TRDN: variants seen among roughly 807,000 people sequenced by gnomAD.
TRDN encodes the protein triadin in skeletal muscle.
A neutral mutation model predicts 149.7 loss-of-function variants in TRDN; 161 were observed. The ratio of observed to expected loss-of-function variants is 1.08; its 90% confidence interval spans 0.95 to 1.23. The LOEUF (loss-of-function observed/expected upper bound fraction) is 1.23. Ranked by LOEUF, TRDN falls within the 50% of genes most tolerant of loss-of-function variation. The probability of loss-of-function intolerance (pLI) is 0.00; values close to 1 mark genes in which losing one functional copy is unlikely to be tolerated. For synonymous variants in TRDN, 294 were observed against 250.5 expected, an observed-to-expected ratio of 1.17 and a Z score of -1.64; for missense variants, 896 against 823.5, an observed-to-expected ratio of 1.09 and a Z score of -1.08.
chr6:123,533,147 G>A (rs1451773463), intron 4 of TRDN, among the ~76,000 whole-genome samples: 3 of 152,066 alleles, frequency 2.0e-5, no homozygotes, highest in African/African-American at 7.2e-5. Flanking sequence ...GGAATATAGA[G>A]ATGGCATGAA....
chr6:123,280,505 A>G (rs1451306158), intron 24 of TRDN, among the ~76,000 whole-genome samples: 4 of 152,110 alleles, frequency 2.6e-5, no homozygotes, highest in Non-Finnish European at 5.9e-5. Flanking sequence ...TTGACTCTAT[A>G]GGTCAATTTG....
At chr6:123,614,770 C>T (rs1785000487) in intron 1 of TRDN, among the ~76,000 whole-genome samples, 1 of 151,768 alleles carries the variant, frequency 6.6e-6, no homozygotes, top group Admixed American at 6.6e-5. Context: ...CACAAAAGCA[C>T]AGGAAACAAA....
intron 12 of TRDN, among the ~76,000 whole-genome samples, chr6:123,432,153 T>C (rs1214087426): frequency 6.6e-6 from 1 of 152,162 alleles, no homozygotes. Flanking sequence ...AATGGGGTAT[T>C]GTAAATGAAT....
At chr6:123,357,068 G>T (rs578236270) in intron 20 of TRDN, among the ~76,000 whole-genome samples, 1 of 150,732 alleles carries the variant, frequency 6.6e-6, no homozygotes, top group Admixed American at 6.6e-5. Context: ...CTTTTATTCC[G>T]CCTTTTTTCT....
intron 10 of TRDN, among the ~76,000 whole-genome samples, chr6:123,459,707 A>G (rs1260012612): frequency 6.6e-6 from 1 of 152,228 alleles, no homozygotes; most frequent in Non-Finnish European, 1.5e-5. Flanking sequence ...ATTATCTCTC[A>G]AAACCTGTTC....
chr6:123,511,593 TA>T (rs1370222360), intron 7 of TRDN, among the ~76,000 whole-genome samples: 1 of 152,198 alleles, frequency 6.6e-6, no homozygotes, highest in Non-Finnish European at 1.5e-5. Context: ...TTAGTTTTTT[TA>T]TTGCTGTGGT....
At chr6:123,558,552 C>T (rs900610952) in intron 2 of TRDN, among the ~76,000 whole-genome samples, 1 of 152,116 alleles carries the variant, frequency 6.6e-6, no homozygotes, top group African/African-American at 2.4e-5. Context: ...AAAACCCAGC[C>T]CAGTTCATGG....
At chr6:123,457,655 T>C in intron 10 of TRDN, 1 of 416,040 alleles carries the variant, frequency 2.4e-6, no homozygotes. Flanking sequence ...TACTTTTCCA[T>C]GACACTAAGC....
chr6:123,309,799 A>G (rs1778746958), intron 24 of TRDN, among the ~76,000 whole-genome samples: 1 of 152,022 alleles, frequency 6.6e-6, no homozygotes, highest in South Asian at 2.1e-4. Flanking sequence ...CATAAAATAT[A>G]TGTAGGTACT....
intron 19 of TRDN, among the ~76,000 whole-genome samples, chr6:123,372,204 G>C (rs904142882): frequency 2.0e-5 from 3 of 151,952 alleles, no homozygotes; most frequent in Non-Finnish European, 4.4e-5. Flanking sequence ...ATTAAGAGCA[G>C]TTGTCTCCAA....
Position 123,589,371 on chromosome 6 carries a change from C to A in TRDN, c.23-18239G>T, listed in dbSNP as rs975655059. The stretch of plus-strand genomic sequence containing the variant: ...ATTTTCTTCCTGGGCCAAATTTGCA[C>A]AAATAAAACTTTACCTAGCCCCAGC... On this transcript the variant is annotated intron_variant, in intron 1 of 40. Transcript: ENST00000334268. Among the ~76,000 whole-genome samples the A allele has an allele frequency of 2.8e-5, 4 of 143,454 alleles. No homozygotes were observed. The Admixed American group carries it at 2.9e-4, about 11-fold the overall frequency. The allele number at this position is 143,454 out of a possible 152,430, so 94.1% of individuals were successfully genotyped here. A position where few individuals can be genotyped will look rare whatever the true frequency, so the allele number is the denominator to read the frequency against.
chr6:123,471,885 C>T (rs1011298492), intron 9 of TRDN: 41 of 151,906 alleles, frequency 2.7e-4, no homozygotes, highest in African/African-American at 9.9e-4. Context: ...ATCCTTGTAC[C>T]CTGTCTGTGA....
In TRDN at chr6:123,528,921, G is replaced by C. The variant is rs1780078920; in HGVS notation, c.484+1585C>G. The C allele has an allele frequency of 6.3e-6, 7 of 1,115,244 alleles. No individual in the cohort carries two copies. The Admixed American group carries it at 3.1e-4, about 49-fold the overall frequency. The allele number at this position is 1,115,244 out of a possible 1,614,324, so 69.1% of individuals were successfully genotyped here. On this transcript the variant is annotated intron_variant, in intron 5 of 40. Transcript: ENST00000334268. ...TACAAAACATATTTGGTCTACTCAA[G>C]AAATATATTCAGGTTGATAATCTCC...
At chr6:123,589,820 G>T (rs560110240) in intron 1 of TRDN, among the ~76,000 whole-genome samples, 1 of 152,284 alleles carries the variant, frequency 6.6e-6, no homozygotes, top group African/African-American at 2.4e-5. Flanking sequence ...GAAAATTGTA[G>T]ATTCCTCATA....
At chr6:123,410,961 G>A (rs1161620232) in intron 12 of TRDN, among the ~76,000 whole-genome samples, 2 of 151,440 alleles carry the variant, frequency 1.3e-5, no homozygotes, top group African/African-American at 4.9e-5. Context: ...TATAATGAAC[G>A]GCCAAATTTG....
intron 4 of TRDN, among the ~76,000 whole-genome samples, chr6:123,537,172 G>C (rs911935238): frequency 6.6e-6 from 1 of 151,978 alleles, no homozygotes; most frequent in African/African-American, 2.4e-5. Flanking sequence ...ATTTAAAACC[G>C]AGCTTAAAGG....
intron 1 of TRDN, among the ~76,000 whole-genome samples, chr6:123,587,716 G>C (rs1003752450): frequency 1.3e-5 from 2 of 151,766 alleles, no homozygotes; most frequent in African/African-American, 2.4e-5. Flanking sequence ...TCAGTGAAGG[G>C]AGATAGGGGT....
intron 22 of TRDN, among the ~76,000 whole-genome samples, chr6:123,333,445 C>T (rs937969571): frequency 5.9e-5 from 9 of 152,008 alleles, no homozygotes; most frequent in East Asian, 3.9e-4. Flanking sequence ...AACCCAATAC[C>T]GTAAGCTTTG....
At chr6:123,551,938 G>A (rs1381972164) in intron 2 of TRDN, among the ~76,000 whole-genome samples, 2 of 151,956 alleles carry the variant, frequency 1.3e-5, no homozygotes, top group African/African-American at 4.8e-5. Flanking sequence ...TACTGCATGG[G>A]AATAAAAAAG....
Sources: gnomAD v4.1 joint callset for allele counts (sites outside exome capture counted in the v4.1 genomes callset) on GRCh38, gnomAD v4.1.1 for gene constraint, MANE v1.5 for transcripts, NCBI Gene and HGNC (gene_info 2026-07-23, HGNC 2026-07-21) for gene names.